Variants in PRUNE2 observed in about 807,000 individuals in gnomAD.
PRUNE2 encodes the protein prune homolog 2 with BCH domain, also known as protein prune homolog 2.
A neutral mutation model predicts 252.0 loss-of-function variants in PRUNE2; 164 were observed. The ratio of observed to expected loss-of-function variants is 0.65; its 90% CI spans 0.57 to 0.74. The LOEUF (loss-of-function observed/expected upper bound fraction) is 0.74, where lower values mean the gene tolerates loss of function less well. PRUNE2 is among the 30% of genes least tolerant of loss of function. The pLI, the probability that PRUNE2 is intolerant of heterozygous loss-of-function variation, is 0.00. For synonymous variants in PRUNE2, 1,292 were observed against 1,350.2 expected, an observed-to-expected ratio of 0.96 and a Z score of 0.94; for missense variants, 3,495 against 3,711.0, an observed-to-expected ratio of 0.94 and a Z score of 1.51.
intron 1 of PRUNE2, among the ~76,000 whole-genome samples, chr9:76,898,674 T>A (rs369365246): frequency 6.6e-6 from 1 of 151,714 alleles, no homozygotes; most frequent in South Asian, 2.1e-4. Flanking sequence ...GTAGTAACAA[T>A]TAAAAAAACA....
intron 9 of PRUNE2, among the ~76,000 whole-genome samples, chr9:76,668,777 G>C (rs549425888): frequency 6.6e-6 from 1 of 151,830 alleles, no homozygotes; most frequent in African/African-American, 2.4e-5. Context: ...CACTGCCTCT[G>C]GCTGGGGACT....
intron 18 of PRUNE2, among the ~76,000 whole-genome samples, chr9:76,617,964 GGGGAATTGA>G (rs1160897123): frequency 2.0e-5 from 3 of 152,264 alleles, no homozygotes; most frequent in African/African-American, 7.2e-5. Flanking sequence ...ATCGTGCACT[GGGGAATTGA>G]GGTATTATTG....
chr9:76,836,264 G>A (rs562376169), intron 4 of PRUNE2, among the ~76,000 whole-genome samples: 11 of 151,128 alleles, frequency 7.3e-5, no homozygotes, highest in African/African-American at 2.7e-4. Context: ...GTTCACTTTT[G>A]GCACAAACCC....
At chr9:76,654,976 T>C (rs1848674719) in intron 10 of PRUNE2, among the ~76,000 whole-genome samples, 1 of 152,192 alleles carries the variant, frequency 6.6e-6, no homozygotes, top group African/African-American at 2.4e-5. Flanking sequence ...ATGCCTTGGG[T>C]TGTAAACCCC....
chr9:76,886,180 G>A (rs1164628471), intron 1 of PRUNE2, among the ~76,000 whole-genome samples: 13 of 147,538 alleles, frequency 8.8e-5, no homozygotes, highest in African/African-American at 2.5e-4. Context: ...GCGAGACTCC[G>A]TCTAAATTAA....
intron 6 of PRUNE2, among the ~76,000 whole-genome samples, chr9:76,795,537 C>T (rs1311164937): frequency 6.6e-6 from 1 of 151,970 alleles, no homozygotes; most frequent in Non-Finnish European, 1.5e-5. Flanking sequence ...TTTTGAGTTA[C>T]TAATAGCCCC....
intron 9 of PRUNE2, among the ~76,000 whole-genome samples, chr9:76,682,431 G>A (rs1185693145): frequency 4.1e-5 from 6 of 146,036 alleles, no homozygotes; most frequent in African/African-American, 7.6e-5. Context: ...GCGTGATCTC[G>A]GCCCACAACA....
chr9:76,781,693 A>G (rs965347572), intron 6 of PRUNE2, among the ~76,000 whole-genome samples: 11 of 152,150 alleles, frequency 7.2e-5, no homozygotes, highest in African/African-American at 2.7e-4. Context: ...TCCTGACTAA[A>G]CTGAAAGCTC....
chr9:76,713,494 G>T, intron 7 of PRUNE2, 69 bp downstream of exon 7: 2 of 1,362,014 alleles, frequency 1.5e-6, no homozygotes, highest in Non-Finnish European at 2.0e-6. Context: ...GTTCTGTCTT[G>T]CACTGTGTGT....
At chr9:76,685,367 G>A (rs1266349356) in intron 9 of PRUNE2, among the ~76,000 whole-genome samples, 1 of 152,166 alleles carries the variant, frequency 6.6e-6, no homozygotes, top group Non-Finnish European at 1.5e-5. Context: ...CCAATCACAG[G>A]ACCATCAGGA....
chr9:76,838,602 G>A (rs777088419), intron 4 of PRUNE2, among the ~76,000 whole-genome samples: 16 of 138,974 alleles, frequency 1.2e-4, no homozygotes, highest in Admixed American at 3.2e-4. Flanking sequence ...CTGAGATTGC[G>A]CCATTGCACT....
intron 6 of PRUNE2, chr9:76,738,432 GAGGATTTGTGGGAACA>G (rs1251482656): frequency 4.6e-5 from 7 of 152,162 alleles, no homozygotes; most frequent in Non-Finnish European, 8.8e-5. Context: ...TCCTCGCCTC[GAGGATTTGTGGGAACA>G]AGCTCGTCTT....
Position 76,794,345 on chromosome 9 carries a change from G to A in PRUNE2, c.756+29287C>T, listed in dbSNP as rs573185738. 3.9e-5 allele frequency among the ~76,000 whole-genome samples: 6 copies of A among 152,298 alleles called. No homozygotes were observed. The East Asian group carries it at 5.8e-4, about 15-fold the overall frequency. ...AAGAGCGCGGCCTCCGAGCGAGCGC[G>A]GTCGCTCACGCCTCTAATCCCAGCA... On this transcript the variant is annotated intron_variant, in intron 6 of 18. Transcript: ENST00000376718.
chr9:76,637,350 A>G lies in PRUNE2; in HGVS notation c.8963+68T>C, dbSNP rs1840612478. The G allele has an allele frequency of 2.1e-6, 3 of 1,452,280 alleles. No homozygotes were observed. The Admixed American group carries it at 5.2e-5, about 25-fold the overall frequency. 90.0% of individuals were successfully genotyped at this position (1,452,280 alleles called of 1,614,324 possible). ...TGTATAATGAAGATAATAACAGTAT[A>G]CCATGTGGTTGTTTAGTCTTCAGTT... On this transcript the variant is annotated intron_variant, in intron 14 of 18. Coordinates refer to ENST00000376718, the MANE Select transcript of PRUNE2 (RefSeq NM_015225.3).
intron 3 of PRUNE2, among the ~76,000 whole-genome samples, chr9:76,850,048 G>T (rs1275897706): frequency 4.6e-5 from 7 of 151,728 alleles, no homozygotes; most frequent in Non-Finnish European, 8.8e-5. Flanking sequence ...GGGATTTTGG[G>T]GTTTGTTTGT....
Position 76,704,951 on chromosome 9 carries a change from TC to T in PRUNE2, c.7322del (p.Gly2441GlufsTer31). 6.2e-7 allele frequency: 1 copy of T among 1,613,176 alleles called. No individual in the cohort carries two copies. The highest frequency in any genetic ancestry group is 8.5e-7 in the Non-Finnish European group (1 of 1,179,498). ...GTCTGTTTTTGGTCTCAGCCTGGTT[TC>T]CCTCACTTCTTCGATCAGGAAGTGC... ...LSALPDRRSE[G>X]NQAETKNRLP... is the part of the protein sequence containing the mutation. On this transcript the variant is annotated frameshift_variant, in exon 8 of 19. Coordinates refer to ENST00000376718, the MANE Select transcript of PRUNE2 (RefSeq NM_015225.3). LOFTEE classifies it high-confidence loss of function.
At chr9:76,723,344 A>G (rs2047810979) in intron 6 of PRUNE2, among the ~76,000 whole-genome samples, 1 of 152,232 alleles carries the variant, frequency 6.6e-6, no homozygotes, top group South Asian at 2.1e-4. Context: ...ACACACAAGC[A>G]ACGGAAGAAG....
chr9:76,627,844 C>G (rs1835596749), intron 16 of PRUNE2: 2 of 432,734 alleles, frequency 4.6e-6, no homozygotes, highest in South Asian at 3.3e-5. Flanking sequence ...ATCTGTAAAA[C>G]AGGGGTTTAC....
chr9:76,805,161 C>T (rs2056844776), intron 6 of PRUNE2, among the ~76,000 whole-genome samples: 1 of 152,196 alleles, frequency 6.6e-6, no homozygotes, highest in East Asian at 1.9e-4. Flanking sequence ...GGGAGAGAGG[C>T]CCAGCTGCCC....
Sources: gnomAD v4.1 joint callset for allele counts (sites outside exome capture counted in the v4.1 genomes callset) on GRCh38, gnomAD v4.1.1 for gene constraint, MANE v1.5 for transcripts, NCBI Gene and HGNC (gene_info 2026-07-23, HGNC 2026-07-21) for gene names.